MYO3A: variants seen among roughly 807,000 people sequenced by gnomAD.
MYO3A encodes the protein myosin-IIIa.
Under a neutral mutation model 192.7 loss-of-function variants are expected in MYO3A, and 180 were observed. The observed-to-expected ratio is 0.93, with a 90% CI of 0.83 to 1.06. The LOEUF (loss-of-function observed/expected upper bound fraction) is 1.06. Ranked by LOEUF, MYO3A falls within the 50% of genes least tolerant of loss-of-function variation. The pLI is 0.00. For synonymous variants in MYO3A, 628 were observed against 645.3 expected, an observed-to-expected ratio of 0.97 and a Z score of 0.41; for missense variants, 1,896 against 1,905.0, an observed-to-expected ratio of 1.00 and a Z score of 0.09.
chr10:26,124,000 A>C (rs1369209300), intron 18 of MYO3A, among the ~76,000 whole-genome samples: 1 of 151,788 alleles, frequency 6.6e-6, no homozygotes, highest in African/African-American at 2.4e-5. Flanking sequence ...CCTGGGCAAC[A>C]TGGCGAAACA....
At chr10:26,014,224 G>A (rs10828938) in intron 6 of MYO3A, among the ~76,000 whole-genome samples, 14,364 of 152,016 alleles carry the variant, frequency 0.094, 1,201 homozygotes, top group African/African-American at 0.21. Context: ...ATCTACCACT[G>A]TATAATTCAT....
At chr10:26,090,851 A>G (rs1246962289) in intron 15 of MYO3A, among the ~76,000 whole-genome samples, 1 of 152,232 alleles carries the variant, frequency 6.6e-6, no homozygotes, top group Non-Finnish European at 1.5e-5. Flanking sequence ...ATGGACTAAC[A>G]GGGGTGAGGA....
intron 32 of MYO3A, among the ~76,000 whole-genome samples, chr10:26,199,360 C>T (rs1442931327): frequency 6.6e-6 from 1 of 152,004 alleles, no homozygotes; most frequent in Non-Finnish European, 1.5e-5. Flanking sequence ...CGAGACCAGC[C>T]TGGGGAACAT....
At chr10:26,039,847 G>A (rs1198125099) in intron 10 of MYO3A, among the ~76,000 whole-genome samples, 1 of 148,162 alleles carries the variant, frequency 6.7e-6, no homozygotes, top group South Asian at 2.1e-4. Context: ...TTGATCTTTT[G>A]TATTGTTTTC....
At chr10:26,200,833 A>G (rs1018574297) in intron 32 of MYO3A, 1 of 152,538 alleles carries the variant, frequency 6.6e-6, no homozygotes, top group African/African-American at 2.4e-5. Context: ...CCTGCCGTCC[A>G]TATTCACCCA....
chr10:26,020,048 A>G (rs913239964), intron 7 of MYO3A, among the ~76,000 whole-genome samples: 1 of 150,422 alleles, frequency 6.6e-6, no homozygotes, highest in African/African-American at 2.4e-5. Flanking sequence ...CTGTCTTTAT[A>G]TATAGACATA....
chr10:26,169,832 G>A (rs1841954615), intron 28 of MYO3A, among the ~76,000 whole-genome samples: 1 of 152,140 alleles, frequency 6.6e-6, no homozygotes, highest in Non-Finnish European at 1.5e-5. Flanking sequence ...TGATAAAAAG[G>A]TTCTTCATAG....
intron 14 of MYO3A, among the ~76,000 whole-genome samples, chr10:26,079,546 G>T (rs1353213369): frequency 6.6e-6 from 1 of 152,060 alleles, no homozygotes; most frequent in Admixed American, 6.5e-5. Context: ...CATGCTGTTT[G>T]TTGCTCGTGT....
intron 34 of MYO3A, 105 bp downstream of exon 34, chr10:26,203,212 C>T: frequency 8.2e-7 from 1 of 1,220,090 alleles, no homozygotes; most frequent in Non-Finnish European, 1.2e-6. Flanking sequence ...AGCACTCTTA[C>T]TGAATATTGC....
At chr10:26,101,373 A>T (rs963054636) in intron 17 of MYO3A, among the ~76,000 whole-genome samples, 1 of 152,204 alleles carries the variant, frequency 6.6e-6, no homozygotes, top group Non-Finnish European at 1.5e-5. Context: ...GTGTCTTTTA[A>T]TTGGAGCATT....
chr10:26,000,015 C>G (rs902411927), intron 6 of MYO3A, among the ~76,000 whole-genome samples: 3 of 152,174 alleles, frequency 2.0e-5, no homozygotes, highest in African/African-American at 7.2e-5. Flanking sequence ...ATCCTAATCT[C>G]CTTCCTTTCC....
intron 33 of MYO3A, 77 bp from the exon 34 acceptor site, chr10:26,202,886 GA>G (rs890421421): frequency 1.2e-4 from 182 of 1,492,482 alleles, no homozygotes; most frequent in Non-Finnish European, 1.6e-4. Flanking sequence ...TACTTTTAAA[GA>G]AAAAAAAGTA....
chr10:26,132,441 G>A (rs1839594698), intron 20 of MYO3A, among the ~76,000 whole-genome samples: 1 of 152,152 alleles, frequency 6.6e-6, no homozygotes, highest in African/African-American at 2.4e-5. Flanking sequence ...TTCAAATCAA[G>A]GGGAGTACAT....
chr10:26,145,462 C>T lies in MYO3A; in HGVS notation c.2433C>T (p.Asn811=), dbSNP rs766483082. 3 of 1,605,844 alleles carry T rather than the reference C, an allele frequency of 1.9e-6. No individual in the cohort carries two copies. The highest frequency in any genetic ancestry group is 2.7e-5 in the African/African-American group (2 of 74,740). ...TTTCTACAGAAAAATTTGAAGGTAA[C>T]CTGAAATCACAATACTTCTGGAGAC... ...DQTLVEKFEG[N]LKSQYFWRPK... Residue 811 remains asparagine (N), a synonymous_variant, in exon 22 of 35, where the codon AAC becomes AAT. Transcript: ENST00000642920.
chr10:26,071,293 G>A (rs1428035620), intron 14 of MYO3A, among the ~76,000 whole-genome samples: 1 of 151,994 alleles, frequency 6.6e-6, no homozygotes, highest in East Asian at 1.9e-4. Context: ...AAGAAAGGTG[G>A]TCTTTTCAAC....
rs56308717 is a variant in MYO3A at position 25,988,939 on chromosome 10, CTTTT to C, written c.304-7533_304-7530del. 1.9e-4 allele frequency among the ~76,000 whole-genome samples: 22 copies of C among 116,992 alleles called. No individual in the cohort carries two copies. In the South Asian group the frequency reaches 4.1e-3, roughly 22 times the overall value. The allele number at this position is 116,992 out of a possible 152,430, so 76.8% of individuals were successfully genotyped here. A position where few individuals can be genotyped will look rare whatever the true frequency, so the allele number is the denominator to read the frequency against. ...AAGTTTAAAACACAGCCCTAAAACT[CTTTT>C]TTTTTTTTTTTTTTTTTACTTTTTT... On this transcript the variant is annotated intron_variant, in intron 4 of 34. Coordinates refer to ENST00000642920, the MANE Select transcript of MYO3A (RefSeq NM_017433.5).
chr10:26,007,944 A>G (rs563894034), intron 6 of MYO3A, among the ~76,000 whole-genome samples: 1 of 152,112 alleles, frequency 6.6e-6, no homozygotes, highest in Non-Finnish European at 1.5e-5. Context: ...AAGCCAAAAG[A>G]ACAAAGCTAA....
intron 4 of MYO3A, among the ~76,000 whole-genome samples, chr10:25,983,261 G>GT (rs374643116): frequency 0.12 from 17,391 of 141,776 alleles, 1,159 homozygotes; most frequent in African/African-American, 0.17. Flanking sequence ...AATGATTTTT[G>GT]TTTTTTTTTT....
intron 14 of MYO3A, among the ~76,000 whole-genome samples, chr10:26,073,676 AT>A (rs1835358350): frequency 6.6e-6 from 1 of 151,996 alleles, no homozygotes. Context: ...ATAAATAATT[AT>A]TTTTAGATGA....
Sources: gnomAD v4.1 joint callset for allele counts (sites outside exome capture counted in the v4.1 genomes callset) on GRCh38, gnomAD v4.1.1 for gene constraint, MANE v1.5 for transcripts, NCBI Gene and HGNC (gene_info 2026-07-23, HGNC 2026-07-21) for gene names.